Variants in CACNA2D3 observed in about 807,000 individuals in gnomAD.
The protein encoded by CACNA2D3 is calcium voltage-gated channel auxiliary subunit alpha2delta 3, also known as voltage-dependent calcium channel subunit alpha-2/delta-3.
CACNA2D3 carries 60 observed loss-of-function variants against 160.6 expected under a neutral mutation model. That is an observed-to-expected ratio of 0.37 (90% CI 0.30 to 0.46). The LOEUF (loss-of-function observed/expected upper bound fraction) is 0.46. CACNA2D3 is among the 20% of genes least tolerant of loss of function. CACNA2D3 has a pLI of 1.00. For synonymous variants in CACNA2D3, 558 were observed against 492.9 expected (o/e 1.13, Z -1.75); for missense variants, 1,205 against 1,365.0 (o/e 0.88, Z 1.85).
intron 13 of CACNA2D3, among the ~76,000 whole-genome samples, chr3:54,803,945 C>T (rs1290400997): frequency 2.6e-5 from 4 of 152,006 alleles, no homozygotes; most frequent in Non-Finnish European, 2.9e-5. Flanking sequence ...ATTTCATATC[C>T]AGTCAAACTA....
At position 54,375,788 on chromosome 3, in the gene CACNA2D3, G is replaced by A. The variant is rs188858100; in HGVS notation, c.322-10927G>A. Among the ~76,000 whole-genome samples the A allele has an allele frequency of 4.1e-3, 627 of 152,220 alleles. 8 individuals are homozygous for A. The highest frequency in any genetic ancestry group is 6.4e-3 in the Non-Finnish European group (436 of 68,018). On this transcript the variant is annotated intron_variant, in intron 3 of 37. Transcript: ENST00000474759. ...AAAAGAATGGGATCCAGGGCACTGAGTGCCAACTGGACACTTGTTAGGATG... is the reference window on the plus strand; with the variant it reads ...AAAAGAATGGGATCCAGGGCACTGAATGCCAACTGGACACTTGTTAGGATG...
At chr3:54,918,502 C>A in intron 27 of CACNA2D3, 1 of 1,613,996 alleles carries the variant, frequency 6.2e-7, no homozygotes, top group South Asian at 1.1e-5. Context: ...TTCCACCTTC[C>A]CAGGATCATT....
chr3:54,443,606 G>A (rs1700176684), intron 4 of CACNA2D3, among the ~76,000 whole-genome samples: 1 of 152,138 alleles, frequency 6.6e-6, no homozygotes, highest in Non-Finnish European at 1.5e-5. Context: ...TTTTCCTGGT[G>A]GAGCAGACAG....
At chr3:54,964,337 A>C (rs1702095675) in intron 27 of CACNA2D3, among the ~76,000 whole-genome samples, 1 of 152,128 alleles carries the variant, frequency 6.6e-6, no homozygotes, top group Non-Finnish European at 1.5e-5. Context: ...AGTAAGGAGC[A>C]CTGTGACCTC....
At chr3:54,635,014 GGA>G (rs752018838) in intron 10 of CACNA2D3, among the ~76,000 whole-genome samples, 2 of 151,858 alleles carry the variant, frequency 1.3e-5, no homozygotes, top group Non-Finnish European at 2.9e-5. Context: ...GGAGTGGTAT[GGA>G]GAGAGAGTGG....
intron 3 of CACNA2D3, among the ~76,000 whole-genome samples, chr3:54,341,658 G>A (rs1341104185): frequency 6.6e-6 from 1 of 152,206 alleles, no homozygotes; most frequent in Non-Finnish European, 1.5e-5. Context: ...CCAAGTGTCA[G>A]TAGCATCTCC....
intron 9 of CACNA2D3, among the ~76,000 whole-genome samples, chr3:54,585,338 A>G (rs1235037569): frequency 6.6e-6 from 1 of 152,250 alleles, no homozygotes; most frequent in African/African-American, 2.4e-5. Flanking sequence ...TATTTGTACC[A>G]TAATACCTAC....
chr3:54,990,601 AAGAC>A (rs1702717618), intron 31 of CACNA2D3, among the ~76,000 whole-genome samples: 1 of 152,180 alleles, frequency 6.6e-6, no homozygotes, highest in South Asian at 2.1e-4. Flanking sequence ...CTTCTCCAGA[AAGAC>A]AGAGCTCCAA....
chr3:54,331,646 G>T (rs531064379), intron 3 of CACNA2D3, among the ~76,000 whole-genome samples: 55 of 152,258 alleles, frequency 3.6e-4, no homozygotes, highest in Non-Finnish European at 7.2e-4. Flanking sequence ...TCTTGGCTGG[G>T]TGCGGGGGAA....
intron 4 of CACNA2D3, among the ~76,000 whole-genome samples, chr3:54,400,174 C>G (rs1302061823): frequency 5.5e-5 from 8 of 146,788 alleles, no homozygotes; most frequent in Non-Finnish European, 1.0e-4. Flanking sequence ...ACGGTGCGCA[C>G]ACACACTGGC....
chr3:54,285,387 C>G (rs1320631641), intron 2 of CACNA2D3, among the ~76,000 whole-genome samples: 1 of 152,164 alleles, frequency 6.6e-6, no homozygotes. Flanking sequence ...GGGGGAGGGT[C>G]GCCTGCCATT....
rs575900952 is a variant in CACNA2D3, at chr3:54,609,368, G to C, written c.964-18419G>C. Reference sequence around the variant, plus strand: ...GCCACTCAGCCTGTGATGTTTTGTTGTGGCAGCCCTGGCAAATTAATACAG... The same window carrying C: ...GCCACTCAGCCTGTGATGTTTTGTTCTGGCAGCCCTGGCAAATTAATACAG... On this transcript the variant is annotated intron_variant, in intron 9 of 37. Transcript: ENST00000474759. Among the ~76,000 whole-genome samples, 3 of 152,254 alleles carry C rather than the reference G, an allele frequency of 2.0e-5. No homozygotes were observed. In the East Asian group the frequency reaches 5.8e-4, roughly 29 times the overall value.
intron 27 of CACNA2D3, among the ~76,000 whole-genome samples, chr3:54,913,254 T>C (rs577606206): frequency 2.2e-4 from 33 of 152,332 alleles, no homozygotes; most frequent in African/African-American, 7.0e-4. Context: ...AATTAATTTT[T>C]GCATTTTTTG....
At position 54,226,312 on chromosome 3, in the gene CACNA2D3, CTTTTTTT is replaced by C. The variant is rs10677482; in HGVS notation, c.205-94117_205-94111del. Reference sequence around the variant, plus strand: ...AATTCCCCGCCTCCTGCCCCTGATGCTTTTTTTTTTTTTTTTTTTGGAGACAGTTGCT... The same window carrying C: ...AATTCCCCGCCTCCTGCCCCTGATGCTTTTTTTTTTTTGGAGACAGTTGCT... On this transcript the variant is annotated intron_variant, in intron 2 of 37. Coordinates refer to ENST00000474759, the MANE Select transcript of CACNA2D3 (RefSeq NM_018398.3). 2.7e-3 allele frequency among the ~76,000 whole-genome samples: 284 copies of C among 106,882 alleles called. 3 individuals are homozygous for C. Among genetic ancestry groups the C allele is most frequent in the South Asian group, 0.025 (74 of 3,014 alleles). 70.1% of individuals were successfully genotyped at this position (106,882 alleles called of 152,430 possible). A position where few individuals can be genotyped will look rare whatever the true frequency, so the allele number is the denominator to read the frequency against.
intron 13 of CACNA2D3, among the ~76,000 whole-genome samples, chr3:54,788,016 T>C (rs1483744840): frequency 6.6e-6 from 1 of 152,208 alleles, no homozygotes; most frequent in East Asian, 1.9e-4. Flanking sequence ...TATTAGCAAC[T>C]TCCTAATCAT....
intron 2 of CACNA2D3, among the ~76,000 whole-genome samples, chr3:54,161,444 C>T (rs928789079): frequency 6.6e-6 from 1 of 152,222 alleles, no homozygotes; most frequent in Non-Finnish European, 1.5e-5. Context: ...CTTGGAGGGG[C>T]ACCTACCAGG....
intron 12 of CACNA2D3, 71 bp from the exon 13 acceptor site, chr3:54,764,147 G>A: frequency 2.6e-6 from 4 of 1,528,306 alleles, no homozygotes; most frequent in East Asian, 2.3e-5. Context: ...AGAAGGCATG[G>A]CATATGCATA....
In CACNA2D3 at chr3:54,694,313, AG is replaced by A. The variant is rs752645973; in HGVS notation, c.1167+52073del. 7.5e-4 allele frequency among the ~76,000 whole-genome samples: 114 copies of A among 152,346 alleles called. 1 individual carries two copies. Among genetic ancestry groups the A allele is most frequent in the Admixed American group, 8.5e-4 (13 of 15,304 alleles). On this transcript the variant is annotated intron_variant, in intron 11 of 37. Transcript: ENST00000474759. ...GCTGTCCCATATAGCCTTGGTGTGT[AG>A]TAGGCTATGCTATGTACACACTCTA...
At chr3:54,180,070 CT>C (rs1248984722) in intron 2 of CACNA2D3, among the ~76,000 whole-genome samples, 1 of 116,030 alleles carries the variant, frequency 8.6e-6, no homozygotes, top group African/African-American at 3.2e-5. Context: ...AGCTGATGTT[CT>C]TTTTTTTTGG....
Sources: gnomAD v4.1 joint callset for allele counts (sites outside exome capture counted in the v4.1 genomes callset) on GRCh38, gnomAD v4.1.1 for gene constraint, MANE v1.5 for transcripts, NCBI Gene and HGNC (gene_info 2026-07-23, HGNC 2026-07-21) for gene names.